The following SPTAN1 variants were observed in gnomAD, a reference collection of about 807,000 sequenced individuals.
The protein encoded by SPTAN1 is spectrin alpha, non-erythrocytic 1.
A neutral mutation model predicts 331.3 loss-of-function variants in SPTAN1; 61 were observed. The ratio of observed to expected loss-of-function variants is 0.18; its 90% confidence interval spans 0.15 to 0.23. The LOEUF is 0.23. Ranked by LOEUF, SPTAN1 falls within the 10% of genes least tolerant of loss-of-function variation. SPTAN1 has a pLI of 1.00. For missense variants in SPTAN1, 2,043 were observed against 3,147.9 expected (o/e 0.65, Z 8.40); for synonymous variants, 1,153 against 1,173.9 (o/e 0.98, Z 0.36).
chr9:128,608,377 G>T, intron 34 of SPTAN1, 101 bp downstream of exon 34: 1 of 1,425,066 alleles, frequency 7.0e-7, no homozygotes, highest in Non-Finnish European at 9.7e-7. Context: ...GAATACCTGC[G>T]TTGTCTAAGA....
intron 19 of SPTAN1, among the ~76,000 whole-genome samples, chr9:128,586,901 T>C (rs1379951991): frequency 2.0e-5 from 3 of 151,556 alleles, no homozygotes; most frequent in Non-Finnish European, 4.4e-5. Context: ...AACTGCAACC[T>C]CCACCTCCTG....
chr9:128,621,661 C>T, intron 45 of SPTAN1: 1 of 323,956 alleles, frequency 3.1e-6, no homozygotes, highest in South Asian at 2.8e-5. Flanking sequence ...TCTTTTCTCT[C>T]CACAGGTTTA....
Position 128,624,478 on chromosome 9 carries a change from T to A in SPTAN1, c.5983T>A (p.Ser1995Thr). ...CAACTGGAAGGCGGACGTGGTGGAG[T>A]CCTGGATCGGTGAGCACTGTCAGCA... ...QFNWKADVVE[S>T]WIGEKENSLK... Residue 1995 changes from serine (S) to threonine (T), a missense_variant, in exon 46 of 57, where the codon TCC becomes ACC. Physicochemically the swap from Ser to Thr is moderately conservative, Grantham distance 58. Coordinates refer to ENST00000372739, the MANE Select transcript of SPTAN1 (RefSeq NM_001130438.3). 1 of 1,613,008 alleles carries A rather than the reference T, an allele frequency of 6.2e-7. No individual in the cohort carries two copies. Among genetic ancestry groups the A allele is most frequent in the Non-Finnish European group, 8.5e-7 (1 of 1,179,988 alleles).
Position 128,609,054 on chromosome 9 carries a change from C to A in SPTAN1, c.4596-68C>A, listed in dbSNP as rs972133957. Reference sequence around the variant, plus strand: ...CCTCATACGAAGGCCCAGGCCTGTTCTGTCTCCCCACTTCCTTCTCCACGG... The same window carrying A: ...CCTCATACGAAGGCCCAGGCCTGTTATGTCTCCCCACTTCCTTCTCCACGG... On this transcript the variant is annotated intron_variant, in intron 35 of 56. Transcript: ENST00000372739. 13 of 1,613,874 alleles carry A rather than the reference C, an allele frequency of 8.1e-6. No individual in the cohort carries two copies. The African/African-American group carries it at 1.6e-4, about 20-fold the overall frequency.
In SPTAN1 at chr9:128,605,495, C is replaced by T; in HGVS notation, c.4046+18C>T. ...GATTTCCGGTACGGAGCCATGTTCA[C>T]TCAGACTTCTGGAACATAGAGCCTT... On this transcript the variant is annotated intron_variant, in intron 31 of 56. Coordinates refer to ENST00000372739, the MANE Select transcript of SPTAN1 (RefSeq NM_001130438.3). 1.2e-6 allele frequency: 2 copies of T among 1,613,972 alleles called. No individual in the cohort carries two copies. Among genetic ancestry groups the T allele is most frequent in the South Asian group, 1.1e-5 (1 of 91,072 alleles).
At chr9:128,626,893 T>G in intron 49 of SPTAN1, 1 of 658,774 alleles carries the variant, frequency 1.5e-6, no homozygotes, top group Non-Finnish European at 2.7e-6. Context: ...TGGCTCCCTG[T>G]AGCCTCAACC....
chr9:128,626,866 G>A, intron 49 of SPTAN1, 179 bp downstream of exon 49: 1 of 726,750 alleles, frequency 1.4e-6, no homozygotes, highest in East Asian at 2.7e-5. Context: ...CCAGGCTTCA[G>A]TGCAGTGGTG....
chr9:128,594,156 C>A lies in SPTAN1; in HGVS notation c.3216-19C>A, dbSNP rs368814792. On this transcript the variant is annotated intron_variant, in intron 23 of 56. Coordinates refer to ENST00000372739, the MANE Select transcript of SPTAN1 (RefSeq NM_001130438.3). The stretch of plus-strand genomic sequence containing the variant: ...ACTGCCTTCCTTGTCCCTCTTGTCA[C>A]CCTCTTGAATTCCATCAGATATCAT... 1.1e-4 allele frequency: 181 copies of A among 1,613,778 alleles called. No homozygotes were observed. Among genetic ancestry groups the A allele is most frequent in the Non-Finnish European group, 1.4e-4 (167 of 1,179,776 alleles).
chr9:128,626,805 T>G (rs1858824888), intron 49 of SPTAN1, 118 bp downstream of exon 49: 2 of 1,132,716 alleles, frequency 1.8e-6, no homozygotes, highest in Admixed American at 2.1e-5. Context: ...GAGCATGGTT[T>G]CATCAGAAGT....
In SPTAN1 at chr9:128,577,628, A is replaced by C. The variant is rs538985892; in HGVS notation, c.1085+122A>C. ...GTGTCAGGTATCACCTACAAATGCA[A>C]ATCACTTCTTACCTATGTTCTCTCT... On this transcript the variant is annotated intron_variant, in intron 8 of 56. Coordinates refer to ENST00000372739, the MANE Select transcript of SPTAN1 (RefSeq NM_001130438.3). This position sits in a 1 kb window ranked among gnomAD's most constrained non-coding sequence, Gnocchi z 4.2. The C allele has an allele frequency of 2.3e-6, 3 of 1,311,486 alleles. No homozygotes were observed. Among genetic ancestry groups the C allele is most frequent in the East Asian group, 4.6e-5 (2 of 43,422 alleles). The allele number at this position is 1,311,486 out of a possible 1,614,324, so 81.2% of individuals were successfully genotyped here. A position where few individuals can be genotyped will look rare whatever the true frequency, so the allele number is the denominator to read the frequency against.
chr9:128,611,825 G>A lies in SPTAN1; in HGVS notation c.4885G>A (p.Gly1629Ser). 2 of 1,614,164 alleles carry A rather than the reference G, an allele frequency of 1.2e-6. No individual in the cohort carries two copies. The highest frequency in any genetic ancestry group is 1.7e-6 in the Non-Finnish European group (2 of 1,180,042). Residue 1629 changes from glycine (G) to serine (S), a missense_variant, in exon 38 of 57, where the codon GGC (glycine) becomes AGC (serine). This residue lies in a region of SPTAN1 where 323 missense variants were observed against 581.1 expected (regional missense o/e 0.56). Coordinates refer to ENST00000372739, the MANE Select transcript of SPTAN1 (RefSeq NM_001130438.3). The part of the protein sequence containing the change: ...NSLIERGACA[G>S]SEDAVKARLA... ...CCTCATTGAACGTGGAGCCTGTGCC[G>A]GCAGTGAGGATGCTGTCAAGGTATG...
At position 128,611,849 on chromosome 9, in the gene SPTAN1, T is replaced by A; in HGVS notation, c.4905+4T>A. ...CGGCAGTGAGGATGCTGTCAAGGTA[T>A]GGCCCACCAGCTCCCGGTGCCCAGG... On this transcript the variant is annotated splice_donor_region_variant and intron_variant, in intron 38 of 56. Coordinates refer to ENST00000372739, the MANE Select transcript of SPTAN1 (RefSeq NM_001130438.3). The A allele has an allele frequency of 6.2e-7, 1 of 1,614,168 alleles. No homozygotes were observed. Among genetic ancestry groups the A allele is most frequent in the South Asian group, 1.1e-5 (1 of 91,084 alleles).
At chr9:128,557,545 A>AT (rs946455299) in intron 1 of SPTAN1, among the ~76,000 whole-genome samples, 109 of 150,412 alleles carry the variant, frequency 7.2e-4, no homozygotes, top group African/African-American at 2.1e-3. Context: ...ATACCCCCCA[A>AT]TTTTTTTTAT....
chr9:128,563,003 T>TATAC (rs1849591240), intron 1 of SPTAN1, among the ~76,000 whole-genome samples: 1 of 111,786 alleles, frequency 8.9e-6, no homozygotes, highest in Admixed American at 8.9e-5. Flanking sequence ...TATATATATA[T>TATAC]ATATATATAT....
intron 2 of SPTAN1, among the ~76,000 whole-genome samples, chr9:128,567,518 A>G (rs1355108306): frequency 2.6e-5 from 4 of 151,892 alleles, no homozygotes; most frequent in Non-Finnish European, 4.4e-5. Flanking sequence ...TCTTGAACTG[A>G]CCTCAGGTGA....
intron 1 of SPTAN1, among the ~76,000 whole-genome samples, chr9:128,554,464 A>T (rs1339660481): frequency 6.6e-6 from 1 of 152,042 alleles, no homozygotes; most frequent in African/African-American, 2.4e-5. Context: ...CTGGGTTAGA[A>T]TTTTTTCTGC....
intron 52 of SPTAN1, chr9:128,630,702 T>C (rs1859574106): frequency 3.2e-6 from 1 of 309,200 alleles, no homozygotes; most frequent in African/African-American, 2.2e-5. Flanking sequence ...TAATTTTTGT[T>C]TATTTTTAAT....
chr9:128,604,345 G>T lies in SPTAN1; in HGVS notation c.3647G>T (p.Arg1216Leu), dbSNP rs199588924. The T allele has an allele frequency of 1.9e-6, 3 of 1,613,990 alleles. No homozygotes were observed. Among genetic ancestry groups the T allele is most frequent in the African/African-American group, 2.7e-5 (2 of 75,064 alleles). ...NSIKELNERW[R>L]SLQQLAEERS... The stretch of plus-strand genomic sequence containing the variant: ...CTGCAGGAGCTGAATGAGCGCTGGC[G>T]GTCCCTACAGCAGCTGGCCGAGGAA... Residue 1216 changes from arginine to leucine, a missense_variant, in exon 29 of 57, where the codon CGG (arginine) becomes CTG (leucine). Coordinates refer to ENST00000372739, the MANE Select transcript of SPTAN1 (RefSeq NM_001130438.3).
chr9:128,630,398 C>T (rs1859507935), intron 52 of SPTAN1, 23 bp downstream of exon 52: 1 of 1,611,312 alleles, frequency 6.2e-7, no homozygotes, highest in African/African-American at 1.3e-5. Flanking sequence ...GGGGCTCTGG[C>T]CCAGCAGAGA....
Sources: allele counts gnomAD v4.1 joint callset (sites outside exome capture counted in the v4.1 genomes callset), GRCh38; gene constraint gnomAD v4.1.1; regional missense constraint gnomAD v4.1.1; non-coding constraint Gnocchi (gnomAD v3.1); transcripts MANE v1.5; gene names NCBI Gene and HGNC (gene_info 2026-07-23, HGNC 2026-07-21).